OSM: variants seen among roughly 807,000 people sequenced by gnomAD.
OSM encodes the protein oncostatin-M.
In OSM, 1 loss-of-function variant was observed where a neutral mutation model predicts 6.3. The ratio of observed to expected loss-of-function variants is 0.16; its 90% confidence interval spans 0.06 to 0.76. The LOEUF is 0.76. Ranked by LOEUF, OSM falls within the 30% of genes least tolerant of loss-of-function variation. The pLI is 0.77. For missense variants in OSM, 324 were observed against 336.9 expected, an observed-to-expected ratio of 0.96 and a Z score of 0.30; for synonymous variants, 135 against 143.4, an observed-to-expected ratio of 0.94 and a Z score of 0.42.
At position 30,266,338 on chromosome 22, in the gene OSM, T is replaced by C. The variant is rs903100768; in HGVS notation, c.34+428A>G. On this transcript the variant is annotated intron_variant, in intron 1 of 2. Coordinates refer to ENST00000215781, the MANE Select transcript of OSM (RefSeq NM_020530.6). This position sits in a 1 kb window ranked among gnomAD's most constrained non-coding sequence, Gnocchi z 5.0. ...TGTGGGTGTGGCTGTGCATGCTGTG[T>C]GATTGTGTGGGCCCTGGGGCCCCCA... Among the ~76,000 whole-genome samples, 3 of 152,092 alleles carry C rather than the reference T, an allele frequency of 2.0e-5. No individual in the cohort carries two copies. In the South Asian group the frequency reaches 6.2e-4, roughly 31 times the overall value.
At position 30,264,891 on chromosome 22, in the gene OSM, C is replaced by G. The variant is rs555960563; in HGVS notation, c.177+111G>C. The G allele has an allele frequency of 3.1e-4, 409 of 1,317,650 alleles. 1 individual carries two copies. Among genetic ancestry groups the G allele is most frequent in the Non-Finnish European group, 4.2e-4 (393 of 946,966 alleles). The allele number at this position is 1,317,650 out of a possible 1,614,324, so 81.6% of individuals were successfully genotyped here. ...GCTGGAATAACATAGCGACTCAGTT[C>G]CCCGACCTGGCCATATGGAGTGGGG... On this transcript the variant is annotated intron_variant, in intron 2 of 2. Transcript: ENST00000215781.
rs201074558 is a variant in OSM at position 30,263,851 on chromosome 22, G to T, written c.*32C>A. On this transcript the variant is annotated 3_prime_UTR_variant, in exon 3 of 3. Coordinates refer to ENST00000215781, the MANE Select transcript of OSM (RefSeq NM_020530.6). ...TCCTCTCATCCACAGAGCACCTGCC[G>T]CATCCTTCACCGGCAAGGGGTGCTC... 1.1e-5 allele frequency: 16 copies of T among 1,460,696 alleles called. No homozygotes were observed. The highest frequency in any genetic ancestry group is 2.3e-5 in the Admixed American group (1 of 42,598). The allele number at this position is 1,460,696 out of a possible 1,614,324, so 90.5% of individuals were successfully genotyped here.
In OSM at chr22:30,266,757, A is replaced by G. The variant is rs777221420; in HGVS notation, c.34+9T>C. On this transcript the variant is annotated intron_variant, in intron 1 of 2. Transcript: ENST00000215781. This position sits in a 1 kb window ranked among gnomAD's most constrained non-coding sequence, Gnocchi z 5.0. ...GGCGGGTTCTGGCGGGGAGGAAGGAAGTACTTACTGAGCAGCGTCCTCTGT... is the reference window on the plus strand; with the variant it reads ...GGCGGGTTCTGGCGGGGAGGAAGGAGGTACTTACTGAGCAGCGTCCTCTGT... 5 of 1,613,060 alleles carry G rather than the reference A, an allele frequency of 3.1e-6. 1 individual carries two copies. The South Asian group carries it at 5.5e-5, about 18-fold the overall frequency.
rs200095730 is a variant in OSM, at chr22:30,264,326, C to T, written c.316G>A (p.Val106Ile). The T allele has an allele frequency of 7.2e-5, 116 of 1,613,916 alleles. No individual in the cohort carries two copies. The highest frequency in any genetic ancestry group is 1.0e-4 in the Admixed American group (6 of 60,010). ...LQTLNATLGC[V>I]LHRLADLEQR... The stretch of plus-strand genomic sequence containing the variant: ...TCTAAGTCGGCCAGTCTGTGCAGGA[C>T]GCAGCCCAGTGTGGCATTGAGGGTC... Residue 106 changes from valine (V) to isoleucine (I), a missense_variant, in exon 3 of 3, where the codon GTC becomes ATC. By Grantham distance (29) the Val-to-Ile change is conservative. Transcript: ENST00000215781.
chr22:30,265,882 T>C (rs1410495102), intron 1 of OSM: 1 of 152,344 alleles, frequency 6.6e-6, no homozygotes, highest in Admixed American at 6.5e-5. Context: ...TCAGAAGGTG[T>C]TGGGGGCGGG....
chr22:30,265,272 G>T, intron 1 of OSM, 128 bp from the exon 2 acceptor site: 1 of 1,499,430 alleles, frequency 6.7e-7, no homozygotes, highest in South Asian at 1.3e-5. Context: ...GTGGAGGGCG[G>T]GGGCTGGGCA....
At position 30,263,952 on chromosome 22, in the gene OSM, C is replaced by T. The variant is rs201260380; in HGVS notation, c.690G>A (p.Lys230=). 3.9e-6 allele frequency: 6 copies of T among 1,525,830 alleles called. No individual in the cohort carries two copies. The highest frequency in any genetic ancestry group is 5.3e-6 in the Non-Finnish European group (6 of 1,138,334). 94.5% of individuals were successfully genotyped at this position (1,525,830 alleles called of 1,614,324 possible). The change falls in exon 3 of 3, where the codon AAG becomes AAA. Residue 230 remains lysine (K), a synonymous_variant. Transcript: ENST00000215781. ...RRHSPHQALR[K]GVRRTRPSRK... is the part of the protein sequence containing the mutation. ...TGGAGGGTCTGGTCCTGCGCACCCC[C>T]TTCCTCAGGGCCTGGTGGGGGCTGT...
intron 1 of OSM, chr22:30,265,365 A>G: frequency 4.1e-6 from 4 of 985,504 alleles, no homozygotes; most frequent in Non-Finnish European, 4.8e-6. Flanking sequence ...GGCCTGACAC[A>G]GCAAGCAGTG....
At position 30,263,413 on chromosome 22, in the gene OSM, A is replaced by C; in HGVS notation, c.*470T>G. On this transcript the variant is annotated 3_prime_UTR_variant, in exon 3 of 3. Transcript: ENST00000215781. ...CTAAAGTGAGGTCACCCAGACATCC[A>C]GGTGTCTGGTTTGGGACATGATGAG... 1 of 157,384 alleles carries C rather than the reference A, an allele frequency of 6.4e-6. No individual in the cohort carries two copies. The allele number at this position is 157,384 out of a possible 1,614,324, so 9.7% of individuals were successfully genotyped here. A position where few individuals can be genotyped will look rare whatever the true frequency, so the allele number is the denominator to read the frequency against.
chr22:30,264,885 T>G, intron 2 of OSM, 117 bp downstream of exon 2: 1 of 1,260,058 alleles, frequency 7.9e-7, no homozygotes, highest in Non-Finnish European at 1.1e-6. Context: ...ACATAGCGAC[T>G]CAGTTCCCCG....
At chr22:30,265,537 C>T (rs1569151701) in intron 1 of OSM, 6 of 397,738 alleles carry the variant, frequency 1.5e-5, no homozygotes, top group Non-Finnish European at 2.2e-5. Flanking sequence ...GGCTAAAGAC[C>T]GGCCACTGCC....
In OSM at chr22:30,266,655, T is replaced by C. The variant is rs1170782709; in HGVS notation, c.34+111A>G. The stretch of plus-strand genomic sequence containing the variant: ...CTCCCCTTCTCAGCATCCTTCTGCC[T>C]GGCGCCTGGCCTCCCCAGTTCCCGG... On this transcript the variant is annotated intron_variant, in intron 1 of 2. Coordinates refer to ENST00000215781, the MANE Select transcript of OSM (RefSeq NM_020530.6). This position sits in a 1 kb window ranked among gnomAD's most constrained non-coding sequence, Gnocchi z 5.0. The C allele has an allele frequency of 4.9e-6, 6 of 1,219,868 alleles. No individual in the cohort carries two copies. The highest frequency in any genetic ancestry group is 1.9e-5 in the Admixed American group (1 of 52,508). The allele number at this position is 1,219,868 out of a possible 1,614,324, so 75.6% of individuals were successfully genotyped here.
At position 30,264,005 on chromosome 22, in the gene OSM, C is replaced by A; in HGVS notation, c.637G>T (p.Gly213Trp). The stretch of plus-strand genomic sequence containing the variant: ...CTCCGGCTCCGGTTCGGGCTCTCCC[C>A]CCACTTGCTGAAGACCCGCCCCACT... ...HSVGRVFSKW[G>W]ESPNRSRRHS... Residue 213 changes from glycine to tryptophan, a missense_variant, in exon 3 of 3, where the codon GGG becomes TGG. By Grantham distance (184) the Gly-to-Trp change is radical (BLOSUM62 -2). Coordinates refer to ENST00000215781, the MANE Select transcript of OSM (RefSeq NM_020530.6). 1 of 1,559,020 alleles carries A rather than the reference C, an allele frequency of 6.4e-7. No individual in the cohort carries two copies. The highest frequency in any genetic ancestry group is 8.7e-7 in the Non-Finnish European group (1 of 1,150,736).
rs753270085 is a variant in OSM, at chr22:30,264,247, T to C, written c.395A>G (p.Asp132Gly). The C allele has an allele frequency of 4.3e-6, 7 of 1,614,132 alleles. No individual in the cohort carries two copies. The South Asian group carries it at 5.5e-5, about 13-fold the overall frequency. Residue 132 changes from aspartate (D) to glycine (G), a missense_variant, in exon 3 of 3, where the codon GAC (aspartate) becomes GGC (glycine). Transcript: ENST00000215781. The stretch of plus-strand genomic sequence containing the variant: ...CCTCGCCATCTGCAGCTTCTCCAAG[T>C]CCTCGATGTTCAGCCCAGACCTCTC... ...DLERSGLNIE[D>G]LEKLQMARPN... is the part of the protein sequence containing the mutation.
chr22:30,264,959 T>G (rs200135895), intron 2 of OSM, 43 bp downstream of exon 2: 1 of 1,605,540 alleles, frequency 6.2e-7, no homozygotes, highest in African/African-American at 1.3e-5. Flanking sequence ...CCTAACCCCA[T>G]AGTTCTCTGA....
In OSM at chr22:30,264,067, C is replaced by T. The variant is rs1051631148; in HGVS notation, c.575G>A (p.Cys192Tyr). Reference sequence around the variant, plus strand: ...GCGATGGTAGCCATGCAGGAACCTGCAGCCCTCCAGCTTGCGCTGAAAAGC... The same window carrying T: ...GCGATGGTAGCCATGCAGGAACCTGTAGCCCTCCAGCTTGCGCTGAAAAGC... ...SDAFQRKLEG[C>Y]RFLHGYHRFM... Residue 192 changes from cysteine to tyrosine, a missense_variant, in exon 3 of 3, where the codon TGC becomes TAC. Transcript: ENST00000215781. The T allele has an allele frequency of 1.4e-5, 23 of 1,595,648 alleles. No homozygotes were observed. The Middle Eastern group carries it at 8.4e-4, about 58-fold the overall frequency.
In OSM at chr22:30,266,539, C is replaced by A. The variant is rs888815926; in HGVS notation, c.34+227G>T. Among the ~76,000 whole-genome samples the A allele has an allele frequency of 7.2e-5, 11 of 152,172 alleles. No individual in the cohort carries two copies. Among genetic ancestry groups the A allele is most frequent in the African/African-American group, 2.4e-4 (10 of 41,430 alleles). On this transcript the variant is annotated intron_variant, in intron 1 of 2. Transcript: ENST00000215781. The surrounding 1 kb of genome is among the most constrained non-coding windows in gnomAD (Gnocchi z 5.0). The stretch of plus-strand genomic sequence containing the variant: ...TGCCTCTACATCTTGACATCACCTC[C>A]CCCTGGAAGCCTTCCAGGGATGCCC...
At position 30,265,034 on chromosome 22, in the gene OSM, T is replaced by C. The variant is rs1247944559; in HGVS notation, c.145A>G (p.Met49Val). The C allele has an allele frequency of 1.2e-6, 2 of 1,611,862 alleles. No individual in the cohort carries two copies. Among genetic ancestry groups the C allele is most frequent in the Non-Finnish European group, 1.7e-6 (2 of 1,177,908 alleles). Reference protein sequence around the residue: ...LGQLQKQTDLMQDTSRLLDPY... With the variant: ...LGQLQKQTDLVQDTSRLLDPY... ...TCCAGGAGTCTGCTGGTGTCCTGCA[T>C]GAGATCTGTCTGCTTCTGGAGCTGG... is the stretch of plus-strand genomic sequence containing the variant. The change falls in exon 2 of 3, where the codon ATG becomes GTG. Residue 49 changes from methionine to valine, a missense_variant. Physicochemically the swap from Met to Val is conservative, Grantham distance 21 (BLOSUM62 1). Transcript: ENST00000215781.
chr22:30,265,110 C>G lies in OSM; in HGVS notation c.69G>C (p.Ala23=), dbSNP rs757761104. Reference sequence around the variant, plus strand: ...AGCAGCTGCCTATAGCCGCCATGCTCGCCATGCTTGGAAACAGGAGTGCAA... The same window carrying G: ...AGCAGCTGCCTATAGCCGCCATGCTGGCCATGCTTGGAAACAGGAGTGCAA... ...LVLALLFPSM[A]SMAAIGSCSK... is the part of the protein sequence containing the mutation. Residue 23 remains alanine (A), a synonymous_variant, in exon 2 of 3, where the codon GCG becomes GCC. Coordinates refer to ENST00000215781, the MANE Select transcript of OSM (RefSeq NM_020530.6). The G allele has an allele frequency of 1.2e-5, 20 of 1,614,024 alleles. No individual in the cohort carries two copies. The highest frequency in any genetic ancestry group is 1.7e-5 in the Non-Finnish European group (20 of 1,179,976).
Sources: gnomAD v4.1 joint callset for allele counts (sites outside exome capture counted in the v4.1 genomes callset) on GRCh38, gnomAD v4.1.1 for gene constraint, Gnocchi (gnomAD v3.1) non-coding constraint, MANE v1.5 for transcripts, NCBI Gene and HGNC (gene_info 2026-07-23, HGNC 2026-07-21) for gene names.